MYO18A: variants seen among roughly 807,000 people sequenced by gnomAD.
MYO18A encodes unconventional myosin-XVIIIa.
MYO18A carries 78 observed loss-of-function variants against 235.8 expected under a neutral mutation model. That is an observed-to-expected ratio of 0.33 (90% CI 0.28 to 0.40). The LOEUF is 0.40. Ranked by LOEUF, MYO18A falls within the 10% of genes least tolerant of loss-of-function variation. MYO18A has a pLI of 1.00. For synonymous variants in MYO18A, 977 were observed against 1,077.8 expected (o/e 0.91, Z 1.83); for missense variants, 2,215 against 2,699.3 (o/e 0.82, Z 3.98).
intron 38 of MYO18A, 178 bp from the exon 39 acceptor site, chr17:29,086,755 G>A (rs1022789976): frequency 1.3e-5 from 15 of 1,112,686 alleles, no homozygotes; most frequent in Non-Finnish European, 1.6e-5. Context: ...CTCATCTGAG[G>A]GAGTCTCCAG....
chr17:29,141,730 C>G (rs962790285), intron 2 of MYO18A, among the ~76,000 whole-genome samples: 7 of 152,192 alleles, frequency 4.6e-5, no homozygotes, highest in Admixed American at 1.3e-4. Context: ...AGTGGGATGT[C>G]CCCCCAGGGG....
At position 29,107,345 on chromosome 17, in the gene MYO18A, A is replaced by G. The variant is rs576862225; in HGVS notation, c.3332-156T>C. 714 of 668,822 alleles carry G rather than the reference A, an allele frequency of 1.1e-3. 5 individuals carry two copies. In the African/African-American group the frequency reaches 0.012, roughly 11 times the overall value. 41.4% of individuals were successfully genotyped at this position (668,822 alleles called of 1,614,324 possible). ...GGTTGAAGGCAGGCCTAGAAAGGAG[A>G]GGGGGTAGGCAGGGAAGAGGAAGAG... On this transcript the variant is annotated intron_variant, in intron 19 of 41. Coordinates refer to ENST00000527372, the MANE Select transcript of MYO18A (RefSeq NM_078471.4).
At position 29,152,522 on chromosome 17, in the gene MYO18A, C is replaced by T. The variant is rs117875154; in HGVS notation, c.999+13420G>A. Reference sequence around the variant, plus strand: ...AGCCCTGAGTAAGCTTAGGCCTGTTCCCCATCTCTACCTGAAAGGCACTTT... The same window carrying T: ...AGCCCTGAGTAAGCTTAGGCCTGTTTCCCATCTCTACCTGAAAGGCACTTT... On this transcript the variant is annotated intron_variant, in intron 2 of 41. Coordinates refer to ENST00000527372, the MANE Select transcript of MYO18A (RefSeq NM_078471.4). Among the ~76,000 whole-genome samples the T allele has an allele frequency of 5.8e-4, 88 of 152,236 alleles. No homozygotes were observed. The East Asian group carries it at 0.017, about 29-fold the overall frequency.
intron 1 of MYO18A, among the ~76,000 whole-genome samples, chr17:29,177,877 A>G (rs1296764931): frequency 6.6e-6 from 1 of 151,996 alleles, no homozygotes; most frequent in Non-Finnish European, 1.5e-5. Flanking sequence ...CTGAGGAGAG[A>G]CCTCTGGTTT....
intron 41 of MYO18A, chr17:29,080,149 G>A (rs1010010681): frequency 2.0e-6 from 2 of 986,000 alleles, no homozygotes; most frequent in Non-Finnish European, 2.4e-6. Context: ...TCGCTCCGGG[G>A]GGTCCAGTTG....
intron 2 of MYO18A, among the ~76,000 whole-genome samples, chr17:29,147,002 G>A (rs1374670763): frequency 6.6e-6 from 1 of 152,240 alleles, no homozygotes; most frequent in Non-Finnish European, 1.5e-5. Context: ...TCAAAACCCT[G>A]CGAGGTAATG....
Position 29,110,057 on chromosome 17 carries a change from C to A in MYO18A, c.3132G>T (p.Val1044=). ...CCTCAGCTACAGGCAGGAAGCAGTGCACAAAATGCAGCTTTGACTTCTTGA... is the reference window on the plus strand; with the variant it reads ...CCTCAGCTACAGGCAGGAAGCAGTGAACAAAATGCAGCTTTGACTTCTTGA... ...DTIKKSKLHF[V]HCFLPVAEGW... The change falls in exon 19 of 42, where the codon GTG becomes GTT. Residue 1044 remains valine, a synonymous_variant. Coordinates refer to ENST00000527372, the MANE Select transcript of MYO18A (RefSeq NM_078471.4). 2 of 1,612,974 alleles carry A rather than the reference C, an allele frequency of 1.2e-6. No homozygotes were observed. The highest frequency in any genetic ancestry group is 8.5e-7 in the Non-Finnish European group (1 of 1,179,856).
chr17:29,087,759 T>C (rs2066290581), intron 37 of MYO18A, among the ~76,000 whole-genome samples: 1 of 151,644 alleles, frequency 6.6e-6, no homozygotes, highest in Non-Finnish European at 1.5e-5. Flanking sequence ...ATCCCTAAAA[T>C]AAAAGAGCCA....
At position 29,074,973 on chromosome 17, in the gene MYO18A, C is replaced by T. The variant is rs558720346; in HGVS notation, c.6021-59G>A. 3.5e-5 allele frequency: 56 copies of T among 1,597,360 alleles called. 1 individual carries two copies. In the South Asian group the frequency reaches 4.5e-4, roughly 13 times the overall value. On this transcript the variant is annotated intron_variant, in intron 41 of 41. Transcript: ENST00000527372. This position sits in a 1 kb window ranked among gnomAD's most constrained non-coding sequence, Gnocchi z 4.4. Reference sequence around the variant, plus strand: ...TGACACTCCTACCATTAAGCACGCACGCCTTTGGTTCTGGAGGCCCACAAA... The same window carrying T: ...TGACACTCCTACCATTAAGCACGCATGCCTTTGGTTCTGGAGGCCCACAAA...
chr17:29,137,959 C>T (rs2067644142), intron 2 of MYO18A, among the ~76,000 whole-genome samples: 1 of 152,126 alleles, frequency 6.6e-6, no homozygotes, highest in Non-Finnish European at 1.5e-5. Context: ...TAGCTAGAAG[C>T]ATTTGTTCTC....
intron 2 of MYO18A, among the ~76,000 whole-genome samples, chr17:29,150,238 G>A (rs1052817435): frequency 6.6e-6 from 1 of 152,216 alleles, no homozygotes; most frequent in Non-Finnish European, 1.5e-5. Flanking sequence ...AAAAAATAAA[G>A]CACAAACCCT....
intron 10 of MYO18A, among the ~76,000 whole-genome samples, chr17:29,116,827 T>C (rs2067084269): frequency 6.8e-6 from 1 of 148,104 alleles, no homozygotes; most frequent in Non-Finnish European, 1.5e-5. Flanking sequence ...GCTTTCCGCT[T>C]GCAGTTGGGG....
intron 1 of MYO18A, among the ~76,000 whole-genome samples, chr17:29,171,164 G>A (rs560749477): frequency 3.3e-5 from 5 of 152,296 alleles, no homozygotes; most frequent in African/African-American, 9.6e-5. Flanking sequence ...AGATTTGTGC[G>A]TTCAGCCAGG....
chr17:29,138,340 T>G (rs1156872887), intron 2 of MYO18A, among the ~76,000 whole-genome samples: 1 of 151,764 alleles, frequency 6.6e-6, no homozygotes, highest in Non-Finnish European at 1.5e-5. Context: ...GCCTCGCCGC[T>G]TCTGACAGCA....
Position 29,074,812 on chromosome 17 carries a change from A to G in MYO18A, c.6123T>C (p.Ser2041=). The G allele has an allele frequency of 6.2e-7, 1 of 1,613,808 alleles. No homozygotes were observed. Among genetic ancestry groups the G allele is most frequent in the Non-Finnish European group, 8.5e-7 (1 of 1,179,848 alleles). ...TCAGCTTGGCCTCTGTGTCGCTGTC[A>G]CTCAGATAACTGTGGGAGTATCGCG... ...SRPRYSHSYL[S]DSDTEAKLTE... is the part of the protein sequence containing the mutation. The change falls in exon 42 of 42, where the codon AGT becomes AGC. Residue 2041 remains serine, a synonymous_variant. Transcript: ENST00000527372. The surrounding 1 kb of genome is among the most constrained non-coding windows in gnomAD (Gnocchi z 4.4).
In MYO18A at chr17:29,140,293, G is replaced by A; in HGVS notation, c.1000-18040C>T. ...CCTTTCCTAAATGAGGAAATAGCAT[G>A]AGGAGCCTGGGACATTTCCGGGGTG... On this transcript the variant is annotated intron_variant, in intron 2 of 41. Coordinates refer to ENST00000527372, the MANE Select transcript of MYO18A (RefSeq NM_078471.4). This position sits in a 1 kb window ranked among gnomAD's most constrained non-coding sequence, Gnocchi z 4.2. 1.7e-6 allele frequency: 2 copies of A among 1,173,464 alleles called. No homozygotes were observed. The highest frequency in any genetic ancestry group is 2.2e-6 in the Non-Finnish European group (2 of 919,776). The allele number at this position is 1,173,464 out of a possible 1,614,324, so 72.7% of individuals were successfully genotyped here. A position where few individuals can be genotyped will look rare whatever the true frequency, so the allele number is the denominator to read the frequency against.
chr17:29,156,717 G>A (rs577991049), intron 2 of MYO18A, among the ~76,000 whole-genome samples: 30 of 152,356 alleles, frequency 2.0e-4, no homozygotes, highest in African/African-American at 6.3e-4. Flanking sequence ...AGATAACTCA[G>A]TAATTACCAT....
Position 29,098,460 on chromosome 17 carries a change from A to T in MYO18A, c.3781-15T>A. Reference sequence around the variant, plus strand: ...TGGATCTCCTCCTAGGGTGGACCAAAGAGGGCAAAGTGAGCCAAAGGCACT... The same window carrying T: ...TGGATCTCCTCCTAGGGTGGACCAATGAGGGCAAAGTGAGCCAAAGGCACT... On this transcript the variant is annotated splice_polypyrimidine_tract_variant and intron_variant, in intron 23 of 41. Transcript: ENST00000527372. 1.2e-6 allele frequency: 2 copies of T among 1,613,574 alleles called. No homozygotes were observed. The highest frequency in any genetic ancestry group is 1.7e-6 in the Non-Finnish European group (2 of 1,179,746).
chr17:29,120,889 G>C lies in MYO18A; in HGVS notation c.1585+109C>G. 4 of 1,560,234 alleles carry C rather than the reference G, an allele frequency of 2.6e-6. No homozygotes were observed. Among genetic ancestry groups the C allele is most frequent in the South Asian group, 2.4e-5 (2 of 84,108 alleles). ...ACTGCCCGTGGACAGAGGGGTTTCG[G>C]GGGGATGGAAAGGCCAGGGAGAAAA... On this transcript the variant is annotated intron_variant, in intron 6 of 41. Transcript: ENST00000527372. The surrounding 1 kb of genome is among the most constrained non-coding windows in gnomAD (Gnocchi z 4.2).
Sources: gnomAD v4.1 joint callset for allele counts (sites outside exome capture counted in the v4.1 genomes callset) on GRCh38, gnomAD v4.1.1 for gene constraint, Gnocchi (gnomAD v3.1) non-coding constraint, MANE v1.5 for transcripts, NCBI Gene and HGNC (gene_info 2026-07-23, HGNC 2026-07-21) for gene names.